The following ADGRF5 variants were observed in gnomAD, a reference collection of about 807,000 sequenced individuals.
ADGRF5 encodes the protein adhesion G protein-coupled receptor F5.
In ADGRF5, 75 loss-of-function variants were observed where a neutral mutation model predicts 132.3. That is an observed-to-expected ratio of 0.57 (90% CI 0.47 to 0.69). The LOEUF (loss-of-function observed/expected upper bound fraction) is 0.69, where lower values mean the gene tolerates loss of function less well. Among genes scored for constraint, ADGRF5 ranks in the 30% least tolerant of loss-of-function variants. ADGRF5 has a pLI of 0.00. For missense variants in ADGRF5, 1,516 were observed against 1,630.6 expected (o/e 0.93, Z 1.21); for synonymous variants, 629 against 597.6 (o/e 1.05, Z -0.77).
chr6:46,924,571 A>G (rs568795572), upstream of ADGRF5, among the ~76,000 whole-genome samples: 3 of 152,284 alleles, frequency 2.0e-5, no homozygotes, highest in South Asian at 6.2e-4. Flanking sequence ...CTTTGTGCTG[A>G]TGACTTCCAA....
Position 46,872,015 on chromosome 6 carries a change from T to C in ADGRF5, c.1241-2A>G. On this transcript the variant is annotated splice_acceptor_variant, in intron 10 of 20. Coordinates refer to ENST00000283296, the MANE Select transcript of ADGRF5 (RefSeq NM_001098518.2). LOFTEE classifies it high-confidence loss of function. The stretch of plus-strand genomic sequence containing the variant: ...AATCTATGTCTGTCTCAGGGGTTCC[T>C]ATAATGAGAAGCAAATTGTTGCCAT... 1.3e-6 allele frequency: 2 copies of C among 1,578,238 alleles called. No individual in the cohort carries two copies. The highest frequency in any genetic ancestry group is 1.7e-6 in the Non-Finnish European group (2 of 1,155,092).
chr6:46,868,787 G>A lies in ADGRF5; in HGVS notation c.1621+96C>T, dbSNP rs1009022254. The stretch of plus-strand genomic sequence containing the variant: ...TATTGAATTTAAAGTGGTTGGCATA[G>A]GCATGTCTCAAAGAAGACCCTACAC... On this transcript the variant is annotated intron_variant, in intron 12 of 20. Transcript: ENST00000283296. The A allele has an allele frequency of 4.1e-6, 3 of 736,704 alleles. No homozygotes were observed. In the South Asian group the frequency reaches 5.2e-5, roughly 13 times the overall value. 45.6% of individuals were successfully genotyped at this position (736,704 alleles called of 1,614,324 possible). A position where few individuals can be genotyped will look rare whatever the true frequency, so the allele number is the denominator to read the frequency against.
At chr6:46,933,462 T>A (rs539758181) in intron 1 of ADGRF5, among the ~76,000 whole-genome samples, 7 of 152,198 alleles carry the variant, frequency 4.6e-5, no homozygotes, top group Non-Finnish European at 1.0e-4. Context: ...ATTGGTTTGT[T>A]ACCCTCTTTA....
chr6:46,949,030 C>T (rs1283712159), intron 1 of ADGRF5, among the ~76,000 whole-genome samples: 1 of 152,068 alleles, frequency 6.6e-6, no homozygotes, highest in Non-Finnish European at 1.5e-5. Context: ...AAATAAATAC[C>T]CTGGTCTGCA....
At chr6:46,863,139 A>G in intron 14 of ADGRF5, 43 bp from the exon 15 acceptor site, 2 of 1,401,786 alleles carry the variant, frequency 1.4e-6, no homozygotes, top group East Asian at 2.3e-5. Flanking sequence ...TGCAAGGAAG[A>G]GACAATATAG....
At chr6:46,938,298 A>C (rs1305596829) in intron 1 of ADGRF5, among the ~76,000 whole-genome samples, 1 of 152,188 alleles carries the variant, frequency 6.6e-6, no homozygotes, top group Non-Finnish European at 1.5e-5. Flanking sequence ...TCTCATAAGA[A>C]GCAAATCAGA....
At chr6:46,889,568 G>GTATATATATATATA (rs765350305) in intron 3 of ADGRF5, among the ~76,000 whole-genome samples, 55 of 77,812 alleles carry the variant, frequency 7.1e-4, no homozygotes, top group South Asian at 2.0e-3. Context: ...GTGTGTGTGT[G>GTATATATATATATA]TATATATATA....
intron 9 of ADGRF5, among the ~76,000 whole-genome samples, 168 bp from the exon 10 acceptor site, chr6:46,878,573 T>G (rs991421216): frequency 2.0e-5 from 3 of 152,144 alleles, no homozygotes; most frequent in Non-Finnish European, 4.4e-5. Context: ...ATTCAGGAAG[T>G]GCAGATATTT....
chr6:46,920,529 G>GGT (rs1554212986), intron 1 of ADGRF5, among the ~76,000 whole-genome samples: 1 of 136,204 alleles, frequency 7.3e-6, no homozygotes, highest in Non-Finnish European at 1.6e-5. Flanking sequence ...TAATATTTGG[G>GGT]GGGGGGGAAG....
At chr6:46,920,526 T>TG (rs1554212961) in intron 1 of ADGRF5, among the ~76,000 whole-genome samples, 20,758 of 101,224 alleles carry the variant, frequency 0.21, 2,720 homozygotes, top group African/African-American at 0.35. Flanking sequence ...GAATAATATT[T>TG]GGGGGGGGGG....
chr6:46,944,022 G>T, intron 1 of ADGRF5, among the ~76,000 whole-genome samples: 1 of 152,296 alleles, frequency 6.6e-6, no homozygotes, highest in East Asian at 1.9e-4. Flanking sequence ...AAAGCTGGTA[G>T]ATATTTTCTA....
chr6:46,881,703 C>T lies in ADGRF5; in HGVS notation c.672-106G>A, dbSNP rs1374300361. The stretch of plus-strand genomic sequence containing the variant: ...ACAAAATAGCACAAACTGCCTGATG[C>T]AGCATGCAAATCTATGGATCTGACT... On this transcript the variant is annotated intron_variant, in intron 7 of 20. Coordinates refer to ENST00000283296, the MANE Select transcript of ADGRF5 (RefSeq NM_001098518.2). 1.9e-5 allele frequency: 17 copies of T among 910,948 alleles called. No homozygotes were observed. The East Asian group carries it at 4.0e-4, about 22-fold the overall frequency. The allele number at this position is 910,948 out of a possible 1,614,324, so 56.4% of individuals were successfully genotyped here. A position where few individuals can be genotyped will look rare whatever the true frequency, so the allele number is the denominator to read the frequency against.
At chr6:46,936,002 G>A (rs1303467376) in intron 1 of ADGRF5, among the ~76,000 whole-genome samples, 1 of 152,210 alleles carries the variant, frequency 6.6e-6, no homozygotes, top group Admixed American at 6.5e-5. Flanking sequence ...CCAGAAAGCA[G>A]AGCAACTGCA....
At chr6:46,922,363 C>A (rs562415873), upstream of ADGRF5, among the ~76,000 whole-genome samples, 2 of 152,172 alleles carry the variant, frequency 1.3e-5, no homozygotes, top group Admixed American at 1.3e-4. Context: ...AGTCCTCCCC[C>A]GCGGGAGGGC....
At chr6:46,917,106 A>G (rs551453333) in intron 1 of ADGRF5, among the ~76,000 whole-genome samples, 1 of 152,358 alleles carries the variant, frequency 6.6e-6, no homozygotes, top group East Asian at 1.9e-4. Context: ...TAAGCACTAT[A>G]CATGCACTAG....
Position 46,867,065 on chromosome 6 carries a change from A to G in ADGRF5, c.1694T>C (p.Leu565Pro), listed in dbSNP as rs1327649258. Residue 565 changes from leucine (L) to proline (P), a missense_variant, in exon 13 of 21, where the codon CTG (leucine) becomes CCG (proline). Coordinates refer to ENST00000283296, the MANE Select transcript of ADGRF5 (RefSeq NM_001098518.2). Reference protein sequence around the residue: ...IATKDVIVHPLPLKLNIMVDP... With the variant: ...IATKDVIVHPPPLKLNIMVDP... Reference sequence around the variant, plus strand: ...AACCATGATGTTCAGCTTTAGAGGCAGCGGGTGAACAATGACGTCTTTGGT... The same window carrying G: ...AACCATGATGTTCAGCTTTAGAGGCGGCGGGTGAACAATGACGTCTTTGGT... 1.7e-5 allele frequency: 27 copies of G among 1,613,400 alleles called. No homozygotes were observed. The highest frequency in any genetic ancestry group is 1.8e-5 in the Non-Finnish European group (21 of 1,179,394).
At chr6:46,938,938 T>G (rs1401096878) in intron 1 of ADGRF5, among the ~76,000 whole-genome samples, 1 of 151,840 alleles carries the variant, frequency 6.6e-6, no homozygotes, top group African/African-American at 2.4e-5. Flanking sequence ...TGGCCCAATC[T>G]TGGCTCACTG....
intron 20 of ADGRF5, chr6:46,854,566 T>C: frequency 2.3e-6 from 1 of 440,670 alleles, no homozygotes; most frequent in South Asian, 1.6e-5. Flanking sequence ...GAGTCAGGAA[T>C]GTCAACAGAA....
chr6:46,946,990 A>T (rs1293307897), intron 1 of ADGRF5, among the ~76,000 whole-genome samples: 1 of 152,240 alleles, frequency 6.6e-6, no homozygotes, highest in Non-Finnish European at 1.5e-5. Context: ...CCATACAAAT[A>T]TCTGGCTTCT....
Sources: gnomAD v4.1 joint callset for allele counts (sites outside exome capture counted in the v4.1 genomes callset) on GRCh38, gnomAD v4.1.1 for gene constraint, MANE v1.5 for transcripts, NCBI Gene and HGNC (gene_info 2026-07-23, HGNC 2026-07-21) for gene names.